The following PPM1K variants were observed in gnomAD, a reference collection of about 807,000 sequenced individuals.
PPM1K encodes protein phosphatase Mn(2+)-dependent 1K.
PPM1K carries 19 observed loss-of-function variants against 32.6 expected under a neutral mutation model. That is an observed-to-expected ratio of 0.58 (90% confidence interval 0.41 to 0.86). PPM1K has a LOEUF of 0.86. PPM1K is among the 40% of genes least tolerant of loss of function. PPM1K has a pLI of 0.00. For synonymous variants in PPM1K, 159 were observed against 165.3 expected (o/e 0.96, Z 0.29); for missense variants, 362 against 461.2 (o/e 0.78, Z 1.97).
chr4:88,275,047 A>G (rs2110167110), intron 3 of PPM1K: 6 of 820,602 alleles, frequency 7.3e-6, no homozygotes, highest in South Asian at 5.6e-5. Flanking sequence ...GTCTTGCTCC[A>G]TTATACTTTC....
intron 3 of PPM1K, among the ~76,000 whole-genome samples, chr4:88,272,169 TCATGAAC>T (rs138861751): frequency 0.048 from 7,345 of 152,222 alleles, 360 homozygotes; most frequent in East Asian, 0.26. Context: ...GACTCATGAC[TCATGAAC>T]ACCAAAATCA....
intron 1 of PPM1K, among the ~76,000 whole-genome samples, chr4:88,282,902 ACTCTC>A (rs1382460776): frequency 2.0e-5 from 3 of 152,078 alleles, no homozygotes; most frequent in Non-Finnish European, 4.4e-5. Flanking sequence ...GTCACCAGCC[ACTCTC>A]CTCTCTTCTT....
chr4:88,265,957 G>C (rs910806216), intron 5 of PPM1K, among the ~76,000 whole-genome samples: 1 of 152,222 alleles, frequency 6.6e-6, no homozygotes, highest in African/African-American at 2.4e-5. Context: ...TTATCTGGCT[G>C]GGTGAGCAGA....
intron 3 of PPM1K, chr4:88,276,184 T>C: frequency 3.0e-6 from 3 of 985,460 alleles, no homozygotes; most frequent in South Asian, 9.4e-5. Context: ...TAATCTTCAG[T>C]TCCTTCGCTG....
chr4:88,278,795 G>T lies in PPM1K; in HGVS notation c.-59-153C>A. On this transcript the variant is annotated intron_variant, in intron 1 of 6. Transcript: ENST00000608933. This position sits in a 1 kb window ranked among gnomAD's most constrained non-coding sequence, Gnocchi z 4.2. ...CAAAAATGAAGCTCATAAAGGATTT[G>T]ACAGAAAATACATATATTTATGTTA... 2 of 542,568 alleles carry T rather than the reference G, an allele frequency of 3.7e-6. No individual in the cohort carries two copies. The highest frequency in any genetic ancestry group is 6.1e-5 in the East Asian group (2 of 32,764). The allele number at this position is 542,568 out of a possible 1,614,324, so 33.6% of individuals were successfully genotyped here.
chr4:88,277,845 T>C, intron 2 of PPM1K: 1 of 434,674 alleles, frequency 2.3e-6, no homozygotes, highest in Non-Finnish European at 4.2e-6. Context: ...CTGATGGGAG[T>C]AAATGCTTCT....
At position 88,258,258 on chromosome 4, in the gene PPM1K, C is replaced by A. The variant is rs1328140661; in HGVS notation, c.*4337G>T. 1.3e-5 allele frequency: 2 copies of A among 152,018 alleles called. No homozygotes were observed. Among genetic ancestry groups the A allele is most frequent in the Non-Finnish European group, 2.9e-5 (2 of 68,008 alleles). The allele number at this position is 152,018 out of a possible 1,614,324, so 9.4% of individuals were successfully genotyped here. On this transcript the variant is annotated 3_prime_UTR_variant, in exon 7 of 7. Transcript: ENST00000608933. ...TTTATGTCTGTTCTAAGGAAAGAAA[C>A]TAAATGTCCTGTTTGATATTGATGA... is the stretch of plus-strand genomic sequence containing the variant.
At chr4:88,270,220 A>G (rs1731504896) in intron 3 of PPM1K, among the ~76,000 whole-genome samples, 1 of 152,192 alleles carries the variant, frequency 6.6e-6, no homozygotes, top group African/African-American at 2.4e-5. Flanking sequence ...ACATAAATAG[A>G]TTTTTCCAAT....
intron 3 of PPM1K, among the ~76,000 whole-genome samples, chr4:88,272,485 A>T (rs1186280106): frequency 6.6e-6 from 1 of 152,102 alleles, no homozygotes; most frequent in Non-Finnish European, 1.5e-5. Flanking sequence ...ATCTGGAAAC[A>T]CTCTGAAGAG....
rs1329763390 is a variant in PPM1K at position 88,278,884 on chromosome 4, C to T, written c.-59-242G>A. The T allele has an allele frequency of 1.6e-5, 5 of 321,602 alleles. No homozygotes were observed. Among genetic ancestry groups the T allele is most frequent in the Non-Finnish European group, 2.9e-5 (5 of 173,254 alleles). 19.9% of individuals were successfully genotyped at this position (321,602 alleles called of 1,614,324 possible). Reference sequence around the variant, plus strand: ...AGTGGATCAAAAATGAATCGATTTTCCTACCGCATTCACAGCATTTAAATT... The same window carrying T: ...AGTGGATCAAAAATGAATCGATTTTTCTACCGCATTCACAGCATTTAAATT... On this transcript the variant is annotated intron_variant, in intron 1 of 6. Transcript: ENST00000608933. The surrounding 1 kb of genome is among the most constrained non-coding windows in gnomAD (Gnocchi z 4.2).
chr4:88,268,126 C>G, intron 5 of PPM1K, 64 bp downstream of exon 5: 1 of 1,539,658 alleles, frequency 6.5e-7, no homozygotes, highest in African/African-American at 1.4e-5. Context: ...AAGAAAGGTG[C>G]AGCAGAGACA....
chr4:88,280,452 A>G (rs1334177324), intron 1 of PPM1K, among the ~76,000 whole-genome samples: 1 of 152,230 alleles, frequency 6.6e-6, no homozygotes, highest in Non-Finnish European at 1.5e-5. Context: ...GCAGAGACAC[A>G]GCATCTCTGG....
At chr4:88,282,068 T>C (rs1403998280) in intron 1 of PPM1K, among the ~76,000 whole-genome samples, 3 of 152,038 alleles carry the variant, frequency 2.0e-5, no homozygotes, top group Admixed American at 1.3e-4. Flanking sequence ...CAATTAAAAA[T>C]TGGGATGAGT....
chr4:88,273,368 A>G (rs774759712), intron 3 of PPM1K, among the ~76,000 whole-genome samples: 42 of 152,378 alleles, frequency 2.8e-4, no homozygotes, highest in Non-Finnish European at 4.0e-4. Context: ...GGTGAATGCC[A>G]GCAGCTGTGC....
intron 1 of PPM1K, among the ~76,000 whole-genome samples, chr4:88,282,281 T>C (rs1470859658): frequency 4.6e-5 from 7 of 152,222 alleles, no homozygotes; most frequent in Non-Finnish European, 1.0e-4. Context: ...TAAACTGTTC[T>C]TGTATGTTAA....
At chr4:88,277,331 C>T in intron 2 of PPM1K, 88 bp from the exon 3 acceptor site, 1 of 840,326 alleles carries the variant, frequency 1.2e-6, no homozygotes. Flanking sequence ...AGTCATTCCA[C>T]ACAACGGGCC....
chr4:88,272,277 C>A (rs1299259559), intron 3 of PPM1K, among the ~76,000 whole-genome samples: 1 of 151,938 alleles, frequency 6.6e-6, no homozygotes, highest in Non-Finnish European at 1.5e-5. Context: ...ATAGGGGATT[C>A]AAAAATGCTG....
rs1351066918 is a variant in PPM1K, at chr4:88,260,860, A to G, written c.*1735T>C. 6.6e-6 allele frequency: 1 copy of G among 152,156 alleles called. No homozygotes were observed. The highest frequency in any genetic ancestry group is 2.4e-5 in the African/African-American group (1 of 41,434). The allele number at this position is 152,156 out of a possible 1,614,324, so 9.4% of individuals were successfully genotyped here. A position where few individuals can be genotyped will look rare whatever the true frequency, so the allele number is the denominator to read the frequency against. The stretch of plus-strand genomic sequence containing the variant: ...GAATTCCATGTCATTCTTAAGATTC[A>G]GTATTTTTCTCACATCCTATTACTT... On this transcript the variant is annotated 3_prime_UTR_variant, in exon 7 of 7. Coordinates refer to ENST00000608933, the MANE Select transcript of PPM1K (RefSeq NM_152542.5).
At chr4:88,275,292 G>A (rs937540016) in intron 3 of PPM1K, 1 of 896,778 alleles carries the variant, frequency 1.1e-6, no homozygotes, top group African/African-American at 1.8e-5. Flanking sequence ...TAGTGTATGT[G>A]CTGCTGAAGT....
Sources: allele counts gnomAD v4.1 joint callset (sites outside exome capture counted in the v4.1 genomes callset), GRCh38; gene constraint gnomAD v4.1.1; non-coding constraint Gnocchi (gnomAD v3.1); transcripts MANE v1.5; gene names NCBI Gene and HGNC (gene_info 2026-07-23, HGNC 2026-07-21).